The following PCDH9 variants were observed in gnomAD, a reference collection of about 807,000 sequenced individuals.
PCDH9 encodes the protein protocadherin 9, also known as protocadherin-9.
In PCDH9, 24 loss-of-function variants were observed where a neutral mutation model predicts 70.6. The observed-to-expected ratio is 0.34, with a 90% confidence interval of 0.25 to 0.48. The LOEUF (loss-of-function observed/expected upper bound fraction) is 0.48. Ranked by LOEUF, PCDH9 falls within the 20% of genes least tolerant of loss-of-function variation. The probability of loss-of-function intolerance (pLI) is 0.99; values close to 1 mark genes in which losing one functional copy is unlikely to be tolerated. For missense variants in PCDH9, 1,281 were observed against 1,503.6 expected (o/e 0.85, Z 2.45); for synonymous variants, 562 against 558.5 (o/e 1.01, Z -0.09).
At chr13:66,805,098 T>A (rs2080390212) in intron 3 of PCDH9, among the ~76,000 whole-genome samples, 1 of 152,198 alleles carries the variant, frequency 6.6e-6, no homozygotes, top group Non-Finnish European at 1.5e-5. Flanking sequence ...GTTTCATCCA[T>A]TATTTACTTA....
chr13:66,685,530 A>C (rs919798584), intron 3 of PCDH9, among the ~76,000 whole-genome samples: 1 of 152,182 alleles, frequency 6.6e-6, no homozygotes, highest in African/African-American at 2.4e-5. Context: ...TGGAGCCCCC[A>C]CACAGAGTCC....
chr13:66,820,629 A>G (rs1374652758), intron 3 of PCDH9, among the ~76,000 whole-genome samples: 1 of 152,214 alleles, frequency 6.6e-6, no homozygotes, highest in Non-Finnish European at 1.5e-5. Flanking sequence ...CTAGATAAAG[A>G]AAATGTGGTA....
intron 2 of PCDH9, among the ~76,000 whole-genome samples, chr13:67,142,196 A>G (rs1025765584): frequency 1.3e-4 from 20 of 152,308 alleles, no homozygotes; most frequent in African/African-American, 4.8e-4. Flanking sequence ...GTAAGTTTTT[A>G]AAAAATCAAA....
intron 4 of PCDH9, among the ~76,000 whole-genome samples, chr13:66,575,805 TATA>T (rs1278469435): frequency 6.6e-6 from 1 of 152,096 alleles, no homozygotes; most frequent in African/African-American, 2.4e-5. Context: ...CTTGAATGAA[TATA>T]ATGAGGTTTT....
At chr13:66,429,324 C>A (rs1369279087) in intron 4 of PCDH9, among the ~76,000 whole-genome samples, 1 of 151,012 alleles carries the variant, frequency 6.6e-6, no homozygotes, top group East Asian at 1.9e-4. Flanking sequence ...TCCCAAAGAA[C>A]AAGCAGTATA....
At chr13:66,776,685 A>G (rs2079899581) in intron 3 of PCDH9, among the ~76,000 whole-genome samples, 1 of 152,148 alleles carries the variant, frequency 6.6e-6, no homozygotes, top group South Asian at 2.1e-4. Context: ...AATCAATATC[A>G]TGAAAATGGC....
chr13:66,347,493 C>T (rs1956230399), intron 4 of PCDH9, among the ~76,000 whole-genome samples: 1 of 152,048 alleles, frequency 6.6e-6, no homozygotes, highest in South Asian at 2.1e-4. Context: ...AAACAAAAAA[C>T]ATTATTTTTT....
intron 3 of PCDH9, among the ~76,000 whole-genome samples, chr13:66,777,717 A>G (rs2139289940): frequency 6.6e-6 from 1 of 152,344 alleles, no homozygotes; most frequent in East Asian, 1.9e-4. Flanking sequence ...TGTGGAAGTC[A>G]GTGTGGCGAT....
chr13:67,144,157 C>A (rs2087465412), intron 2 of PCDH9, among the ~76,000 whole-genome samples: 1 of 152,098 alleles, frequency 6.6e-6, no homozygotes. Context: ...AACAGCAATT[C>A]CCTTTCCTGG....
At chr13:66,553,720 A>G (rs577412896) in intron 4 of PCDH9, among the ~76,000 whole-genome samples, 3 of 152,232 alleles carry the variant, frequency 2.0e-5, no homozygotes, top group Non-Finnish European at 4.4e-5. Flanking sequence ...CCTCTTGTAT[A>G]TAATACATGC....
At chr13:66,456,640 T>C (rs1028517383) in intron 4 of PCDH9, among the ~76,000 whole-genome samples, 2 of 152,170 alleles carry the variant, frequency 1.3e-5, no homozygotes, top group African/African-American at 2.4e-5. Context: ...TCCCCTATGA[T>C]AAGACTGTAG....
chr13:67,149,722 C>T (rs1008036046), intron 2 of PCDH9, among the ~76,000 whole-genome samples: 1 of 151,780 alleles, frequency 6.6e-6, no homozygotes. Context: ...AAAAAAAACC[C>T]TAAGATTATT....
chr13:66,474,527 T>G (rs1268639209), intron 4 of PCDH9, among the ~76,000 whole-genome samples: 24 of 152,272 alleles, frequency 1.6e-4, no homozygotes. Flanking sequence ...TTTACTATTA[T>G]GACAAGATAT....
intron 4 of PCDH9, among the ~76,000 whole-genome samples, chr13:66,564,418 G>C (rs1181772101): frequency 2.6e-5 from 4 of 151,936 alleles, no homozygotes; most frequent in Non-Finnish European, 5.9e-5. Flanking sequence ...CTCTCCCTTT[G>C]ACCTCTCAAA....
intron 2 of PCDH9, among the ~76,000 whole-genome samples, chr13:67,063,935 T>C (rs1371577774): frequency 3.3e-5 from 5 of 152,112 alleles, no homozygotes; most frequent in African/African-American, 1.2e-4. Flanking sequence ...ATAGGAAAAT[T>C]GTAGAGAGAG....
intron 4 of PCDH9, among the ~76,000 whole-genome samples, chr13:66,391,890 A>ATATATT (rs1957024865): frequency 7.0e-6 from 1 of 143,582 alleles, no homozygotes; most frequent in South Asian, 2.1e-4. Context: ...ATGCATATAT[A>ATATATT]TATATATATA....
chr13:67,204,619 A>G (rs1009323767), intron 2 of PCDH9: 74 of 152,196 alleles, frequency 4.9e-4, no homozygotes, highest in African/African-American at 1.8e-3. Flanking sequence ...TGTAATGTCC[A>G]TTTGGATCCA....
chr13:66,690,043 T>C (rs9599134), intron 3 of PCDH9, among the ~76,000 whole-genome samples: 66,437 of 151,982 alleles, frequency 0.44, 14,567 homozygotes, highest in South Asian at 0.46. Context: ...ACATTAAACC[T>C]ACATAAATAA....
At chr13:67,099,278 A>G (rs1039035426) in intron 2 of PCDH9, among the ~76,000 whole-genome samples, 1 of 152,226 alleles carries the variant, frequency 6.6e-6, no homozygotes, top group Non-Finnish European at 1.5e-5. Flanking sequence ...CTAAATAACC[A>G]TTCTCCACAT....
Sources: gnomAD v4.1 joint callset for allele counts (sites outside exome capture counted in the v4.1 genomes callset) on GRCh38, gnomAD v4.1.1 for gene constraint, MANE v1.5 for transcripts, NCBI Gene and HGNC (gene_info 2026-07-23, HGNC 2026-07-21) for gene names.